B4GALT6: variants seen among roughly 807,000 people sequenced by gnomAD.
B4GALT6 encodes the protein beta-1,4-galactosyltransferase 6, also known as UDP-Gal:beta-GlcNAc beta-1,4-galactosyltransferase 6.
B4GALT6 carries 14 observed loss-of-function variants against 46.3 expected under a neutral mutation model. The ratio of observed to expected loss-of-function variants is 0.30; its 90% CI spans 0.20 to 0.47. The LOEUF is 0.47. Among genes scored for constraint, B4GALT6 ranks in the 20% least tolerant of loss-of-function variants. The pLI is 0.99. For missense variants in B4GALT6, 386 were observed against 480.1 expected (o/e 0.80, Z 1.83); for synonymous variants, 168 against 162.0 (o/e 1.04, Z -0.28).
chr18:31,718,789 C>A, the B4GALT6 span: 6 of 152,214 alleles, frequency 3.9e-5, no homozygotes, highest in African/African-American at 1.2e-4. Flanking sequence ...TCATAACCAA[C>A]TGCTTCCTAG....
chr18:31,666,188 A>C (rs1323752353), intron 2 of B4GALT6, 68 bp downstream of exon 2: 1 of 867,106 alleles, frequency 1.2e-6, no homozygotes, highest in Non-Finnish European at 1.8e-6. Context: ...CCTGAAGGCA[A>C]AACAGACTGT....
At chr18:31,636,916 G>A (rs1270003536) in intron 5 of B4GALT6, among the ~76,000 whole-genome samples, 2 of 152,212 alleles carry the variant, frequency 1.3e-5, no homozygotes, top group African/African-American at 4.8e-5. Context: ...CCATCTCCCA[G>A]GTTCAAGCAC....
the B4GALT6 span, among the ~76,000 whole-genome samples, chr18:31,715,358 T>C: frequency 2.0e-5 from 3 of 152,082 alleles, no homozygotes; most frequent in African/African-American, 7.2e-5. Flanking sequence ...TCCAAGTAGC[T>C]GGGACTACAG....
the B4GALT6 span, chr18:31,724,195 G>T: frequency 3.8e-6 from 1 of 264,978 alleles, no homozygotes; most frequent in Non-Finnish European, 7.6e-6. Context: ...GCGCGCGGTT[G>T]CCAGGGGCGC....
intron 5 of B4GALT6, among the ~76,000 whole-genome samples, chr18:31,637,417 G>C (rs897373998): frequency 6.9e-6 from 1 of 143,898 alleles, no homozygotes; most frequent in African/African-American, 2.6e-5. Flanking sequence ...TGACCTGTCA[G>C]TTCAATGGAT....
At chr18:31,657,188 T>C (rs1214325348) in intron 3 of B4GALT6, among the ~76,000 whole-genome samples, 1 of 152,102 alleles carries the variant, frequency 6.6e-6, no homozygotes. Flanking sequence ...ACTCACACTC[T>C]GTTGTTCTTT....
intron 3 of B4GALT6, among the ~76,000 whole-genome samples, chr18:31,647,039 G>A (rs2073999404): frequency 6.6e-6 from 1 of 152,162 alleles, no homozygotes; most frequent in East Asian, 1.9e-4. Flanking sequence ...TAAGTAAAAT[G>A]TAAGATTGAT....
chr18:31,659,224 A>G (rs2074181578), intron 2 of B4GALT6, among the ~76,000 whole-genome samples: 1 of 152,208 alleles, frequency 6.6e-6, no homozygotes, highest in African/African-American at 2.4e-5. Flanking sequence ...CCAATGAGAG[A>G]CAATGTAGAA....
the B4GALT6 span, among the ~76,000 whole-genome samples, chr18:31,717,130 T>A: frequency 3.6e-4 from 55 of 151,808 alleles, no homozygotes; most frequent in South Asian, 0.011. Flanking sequence ...AAGAAAGAAA[T>A]GTTTATAGCA....
chr18:31,626,875 T>C (rs1040784443), intron 7 of B4GALT6, 124 bp downstream of exon 7: 6 of 765,782 alleles, frequency 7.8e-6, no homozygotes, highest in Non-Finnish European at 1.2e-5. Context: ...TAAAACAGGG[T>C]TTAGAAACCT....
intron 5 of B4GALT6, among the ~76,000 whole-genome samples, chr18:31,636,114 C>T (rs1450787655): frequency 6.6e-6 from 1 of 152,190 alleles, no homozygotes; most frequent in Non-Finnish European, 1.5e-5. Context: ...AACAACTAAA[C>T]GAAACTTCAC....
At chr18:31,700,260 A>T in the B4GALT6 span, among the ~76,000 whole-genome samples, 7 of 152,342 alleles carry the variant, frequency 4.6e-5, no homozygotes, top group African/African-American at 1.4e-4. Flanking sequence ...TAGAAGAAAT[A>T]TAATTTATTC....
At chr18:31,684,647 C>T (rs2074522480), upstream of B4GALT6, 1 of 1,137,460 alleles carries the variant, frequency 8.8e-7, no homozygotes, top group Non-Finnish European at 1.1e-6. Context: ...GGCGCGGAGG[C>T]CGAGGGACAA....
the B4GALT6 span, among the ~76,000 whole-genome samples, chr18:31,703,432 A>G: frequency 9.9e-5 from 15 of 152,112 alleles, no homozygotes; most frequent in African/African-American, 3.6e-4. Context: ...TGTTTATAGT[A>G]TGTGGTCAGT....
At chr18:31,717,738 G>A in the B4GALT6 span, among the ~76,000 whole-genome samples, 10 of 151,908 alleles carry the variant, frequency 6.6e-5, no homozygotes, top group East Asian at 1.9e-4. Context: ...GCGGATCACC[G>A]GAGTTCAGGA....
chr18:31,714,466 G>C, the B4GALT6 span, among the ~76,000 whole-genome samples: 6 of 152,156 alleles, frequency 3.9e-5, no homozygotes, highest in Non-Finnish European at 4.4e-5. Context: ...AGCCAGGTGG[G>C]GATGCACAGA....
chr18:31,691,357 T>C, the B4GALT6 span, among the ~76,000 whole-genome samples: 1 of 144,054 alleles, frequency 6.9e-6, no homozygotes. Flanking sequence ...TGCTCTGGGT[T>C]TTGTGTAATG....
intron 1 of B4GALT6, among the ~76,000 whole-genome samples, chr18:31,670,634 C>T (rs902319630): frequency 9.2e-5 from 14 of 152,186 alleles, no homozygotes; most frequent in Non-Finnish European, 1.6e-4. Flanking sequence ...AGTGCTATGT[C>T]ACAGGGTTGC....
In B4GALT6 at chr18:31,645,336, T is replaced by A. The variant is rs921640460; in HGVS notation, c.471+19A>T. 6.2e-7 allele frequency: 1 copy of A among 1,612,428 alleles called. No individual in the cohort carries two copies. The highest frequency in any genetic ancestry group is 8.5e-7 in the Non-Finnish European group (1 of 1,179,630). ...TGCTCAGTAACAATCAAATTGCTTA[T>A]GAAAAGAATTTACCTCACCTTCCAT... On this transcript the variant is annotated intron_variant, in intron 4 of 8. Coordinates refer to ENST00000306851, the MANE Select transcript of B4GALT6 (RefSeq NM_004775.5).
Sources: allele counts gnomAD v4.1 joint callset (sites outside exome capture counted in the v4.1 genomes callset), GRCh38; gene constraint gnomAD v4.1.1; transcripts MANE v1.5; gene names NCBI Gene and HGNC (gene_info 2026-07-23, HGNC 2026-07-21).